The following GPC5 variants were observed in gnomAD, a reference collection of about 807,000 sequenced individuals.
The protein encoded by GPC5 is glypican 5.
GPC5 carries 47 observed loss-of-function variants against 53.9 expected under a neutral mutation model. The ratio of observed to expected loss-of-function variants is 0.87; its 90% CI spans 0.69 to 1.11. GPC5 has a LOEUF of 1.11. Among genes scored for constraint, GPC5 ranks in the 50% most tolerant of loss-of-function variants. The pLI, the probability that GPC5 is intolerant of heterozygous loss-of-function variation, is 0.00. For synonymous variants in GPC5, 286 were observed against 263.3 expected, an observed-to-expected ratio of 1.09 and a Z score of -0.84; for missense variants, 748 against 713.1, an observed-to-expected ratio of 1.05 and a Z score of -0.56.
At chr13:91,656,398 G>T (rs933769455) in intron 2 of GPC5, among the ~76,000 whole-genome samples, 6 of 152,126 alleles carry the variant, frequency 3.9e-5, no homozygotes, top group Admixed American at 1.3e-4. Context: ...GATTGCAGAG[G>T]TATAGATCTG....
intron 7 of GPC5, among the ~76,000 whole-genome samples, chr13:92,548,061 G>A (rs1232445704): frequency 2.0e-5 from 3 of 148,702 alleles, no homozygotes; most frequent in Non-Finnish European, 3.0e-5. Context: ...GGATGGTCTC[G>A]ATCTCCTGAC....
intron 7 of GPC5, among the ~76,000 whole-genome samples, chr13:92,382,181 A>G (rs866222332): frequency 2.0e-4 from 31 of 151,918 alleles, no homozygotes; most frequent in African/African-American, 5.6e-4. Flanking sequence ...ACGCAAAGGC[A>G]TAAGAATGAT....
chr13:91,920,353 G>T (rs1007714227), intron 6 of GPC5, among the ~76,000 whole-genome samples: 2 of 152,044 alleles, frequency 1.3e-5, no homozygotes, highest in South Asian at 4.2e-4. Flanking sequence ...TTAAACAATC[G>T]CAACACACAA....
At chr13:91,834,116 G>A (rs1180178697) in intron 5 of GPC5, among the ~76,000 whole-genome samples, 1 of 152,060 alleles carries the variant, frequency 6.6e-6, no homozygotes, top group African/African-American at 2.4e-5. Flanking sequence ...CACACAGAGA[G>A]CCAAATCATG....
At chr13:92,802,365 A>T (rs990705013) in intron 7 of GPC5, among the ~76,000 whole-genome samples, 4 of 151,798 alleles carry the variant, frequency 2.6e-5, no homozygotes, top group Admixed American at 1.3e-4. Context: ...TATTCCCACC[A>T]CTAAGCAATG....
At chr13:92,335,407 C>A (rs4508310) in intron 7 of GPC5, among the ~76,000 whole-genome samples, 61,383 of 151,882 alleles carry the variant, frequency 0.4, 12,545 homozygotes, top group Middle Eastern at 0.51. Flanking sequence ...CTGGTCAAAG[C>A]AACCATTTTT....
At chr13:91,872,666 C>T (rs2039159738) in intron 5 of GPC5, among the ~76,000 whole-genome samples, 1 of 152,004 alleles carries the variant, frequency 6.6e-6, no homozygotes, top group Non-Finnish European at 1.5e-5. Flanking sequence ...ACTTATTTCT[C>T]ACAATAAGCA....
intron 7 of GPC5, among the ~76,000 whole-genome samples, chr13:92,568,686 C>A (rs565180767): frequency 1.3e-5 from 2 of 152,272 alleles, no homozygotes; most frequent in Non-Finnish European, 2.9e-5. Flanking sequence ...CCACTAAGGG[C>A]TGGCCCTGTA....
chr13:91,517,781 T>C (rs1885583293), intron 2 of GPC5, among the ~76,000 whole-genome samples: 1 of 152,200 alleles, frequency 6.6e-6, no homozygotes, highest in African/African-American at 2.4e-5. Flanking sequence ...TCCCAGATCA[T>C]GGCAGGAGGC....
intron 5 of GPC5, among the ~76,000 whole-genome samples, chr13:91,826,437 TA>T: frequency 6.6e-6 from 1 of 152,154 alleles, no homozygotes; most frequent in South Asian, 2.1e-4. Flanking sequence ...TGAGAAATCA[TA>T]AGTCAGGGAG....
At chr13:92,266,047 A>C (rs2042800398) in intron 7 of GPC5, among the ~76,000 whole-genome samples, 1 of 152,158 alleles carries the variant, frequency 6.6e-6, no homozygotes. Context: ...AATAGCATTA[A>C]TCCATTTATT....
chr13:91,563,802 T>G (rs897148877), intron 2 of GPC5, among the ~76,000 whole-genome samples: 1 of 152,062 alleles, frequency 6.6e-6, no homozygotes, highest in African/African-American at 2.4e-5. Flanking sequence ...TTCCTCAATG[T>G]TGCTGCCAGC....
At chr13:92,260,789 T>C (rs1312575236) in intron 7 of GPC5, among the ~76,000 whole-genome samples, 1 of 152,286 alleles carries the variant, frequency 6.6e-6, no homozygotes, top group East Asian at 1.9e-4. Flanking sequence ...TCCATCTCTA[T>C]TCCTGTCTTA....
At chr13:92,499,411 G>T (rs1293933501) in intron 7 of GPC5, among the ~76,000 whole-genome samples, 1 of 152,066 alleles carries the variant, frequency 6.6e-6, no homozygotes. Flanking sequence ...TTTTTTGCCT[G>T]TTCAATAGGA....
intron 7 of GPC5, among the ~76,000 whole-genome samples, chr13:92,280,456 C>G (rs773345687): frequency 6.6e-6 from 1 of 152,104 alleles, no homozygotes; most frequent in African/African-American, 2.4e-5. Context: ...TTGTCAATAT[C>G]GGATCCTGTC....
chr13:91,866,793 C>T (rs929425591), intron 5 of GPC5, among the ~76,000 whole-genome samples: 17 of 152,160 alleles, frequency 1.1e-4, no homozygotes, highest in African/African-American at 3.1e-4. Context: ...CCACTTATTG[C>T]GGTTGCCTTC....
chr13:92,387,864 G>A (rs1010135858), intron 7 of GPC5, among the ~76,000 whole-genome samples: 4 of 152,022 alleles, frequency 2.6e-5, no homozygotes, highest in East Asian at 1.9e-4. Flanking sequence ...AAGATATTCC[G>A]TGTAAGGCAT....
intron 5 of GPC5, among the ~76,000 whole-genome samples, chr13:91,830,305 C>T (rs985270658): frequency 9.9e-5 from 15 of 152,208 alleles, no homozygotes; most frequent in African/African-American, 3.6e-4. Flanking sequence ...TTAAGGTTAT[C>T]TCTTGTTTCC....
At chr13:92,026,044 C>G (rs868635580) in intron 6 of GPC5, among the ~76,000 whole-genome samples, 1 of 152,016 alleles carries the variant, frequency 6.6e-6, no homozygotes, top group African/African-American at 2.4e-5. Flanking sequence ...ACAGCACTTC[C>G]GAGCAGGAGT....
Sources: allele counts gnomAD v4.1 joint callset (sites outside exome capture counted in the v4.1 genomes callset), GRCh38; gene constraint gnomAD v4.1.1; transcripts MANE v1.5; gene names NCBI Gene and HGNC (gene_info 2026-07-23, HGNC 2026-07-21).